The following DOCK4 variants were observed in gnomAD, a reference collection of about 807,000 sequenced individuals.
The protein encoded by DOCK4 is dedicator of cytokinesis 4.
A neutral mutation model predicts 268.1 loss-of-function variants in DOCK4; 97 were observed. That is an observed-to-expected ratio of 0.36 (90% CI 0.31 to 0.43). DOCK4 has a LOEUF of 0.43. Ranked by LOEUF, DOCK4 falls within the 20% of genes least tolerant of loss-of-function variation. DOCK4 has a pLI of 1.00. For missense variants in DOCK4, 2,145 were observed against 2,455.7 expected, an observed-to-expected ratio of 0.87 and a Z score of 2.67; for synonymous variants, 954 against 887.2, an observed-to-expected ratio of 1.08 and a Z score of -1.34.
chr7:112,129,497 TAC>T (rs142104029), intron 1 of DOCK4, among the ~76,000 whole-genome samples: 15 of 151,374 alleles, frequency 9.9e-5, no homozygotes, highest in Non-Finnish European at 1.6e-4. Context: ...TGCAATGAAC[TAC>T]ACACACACAC....
intron 1 of DOCK4, among the ~76,000 whole-genome samples, chr7:112,125,622 G>T (rs1813149076): frequency 6.6e-6 from 1 of 152,152 alleles, no homozygotes; most frequent in Non-Finnish European, 1.5e-5. Context: ...CACAAGATAT[G>T]TGACCTTCAT....
chr7:111,901,865 A>T lies in DOCK4; in HGVS notation c.1193-64T>A, dbSNP rs921597445. On this transcript the variant is annotated intron_variant, in intron 13 of 52. Coordinates refer to ENST00000428084, the MANE Select transcript of DOCK4 (RefSeq NM_001363540.2). ...ATGAGGAAATGTAATAAAGTGCTCT[A>T]TCAAGAAAAACTTTAGTTTATACAA... is the stretch of plus-strand genomic sequence containing the variant. The T allele has an allele frequency of 1.0e-5, 13 of 1,282,632 alleles. No homozygotes were observed. In the African/African-American group the frequency reaches 1.5e-4, roughly 15 times the overall value. The allele number at this position is 1,282,632 out of a possible 1,614,324, so 79.5% of individuals were successfully genotyped here.
At chr7:111,870,161 G>A (rs988287681) in intron 20 of DOCK4, among the ~76,000 whole-genome samples, 1 of 151,960 alleles carries the variant, frequency 6.6e-6, no homozygotes, top group Non-Finnish European at 1.5e-5. Context: ...GAAGAACCTG[G>A]CTTATGTCAA....
chr7:112,153,953 G>C (rs1014593529), intron 1 of DOCK4, among the ~76,000 whole-genome samples: 1 of 152,120 alleles, frequency 6.6e-6, no homozygotes, highest in Non-Finnish European at 1.5e-5. Flanking sequence ...CAAACTTCTT[G>C]TAGAAACAAT....
chr7:112,125,243 C>T (rs185598458), intron 1 of DOCK4, among the ~76,000 whole-genome samples: 125 of 152,344 alleles, frequency 8.2e-4, no homozygotes, highest in African/African-American at 2.8e-3. Context: ...TGCTCCCCCC[C>T]TGCCCCATCA....
At chr7:112,152,472 G>A (rs1816183896) in intron 1 of DOCK4, among the ~76,000 whole-genome samples, 1 of 152,122 alleles carries the variant, frequency 6.6e-6, no homozygotes, top group African/African-American at 2.4e-5. Flanking sequence ...CAACAGGCAG[G>A]CAATGTGCAC....
intron 17 of DOCK4, among the ~76,000 whole-genome samples, chr7:111,873,931 A>G (rs1806633776): frequency 6.6e-6 from 1 of 152,090 alleles, no homozygotes; most frequent in Admixed American, 6.5e-5. Flanking sequence ...ATAACCAAAA[A>G]CCCTGAAAAT....
chr7:111,941,403 A>C (rs1232335362), intron 10 of DOCK4, among the ~76,000 whole-genome samples: 1 of 152,194 alleles, frequency 6.6e-6, no homozygotes, highest in Non-Finnish European at 1.5e-5. Flanking sequence ...GATTTAAACA[A>C]ATTTAAAACT....
chr7:112,099,593 T>G (rs1422152141), intron 1 of DOCK4, among the ~76,000 whole-genome samples: 1 of 152,234 alleles, frequency 6.6e-6, no homozygotes, highest in Non-Finnish European at 1.5e-5. Flanking sequence ...ATGGTCAGTA[T>G]TCATTAAAAT....
chr7:112,057,557 T>TA lies in DOCK4; in HGVS notation c.38-53427dup, dbSNP rs59998263. ...CAAAACAAGACCCTGTCCCAAAAAA[T>TA]AAAAAAAAAAAAAATGAATAAGCCT... On this transcript the variant is annotated intron_variant, in intron 1 of 52. Transcript: ENST00000428084. Among the ~76,000 whole-genome samples, 527 of 122,546 alleles carry TA rather than the reference T, an allele frequency of 4.3e-3. 1 individual carries two copies. The highest frequency in any genetic ancestry group is 9.4e-3 in the African/African-American group (328 of 34,894). 80.4% of individuals were successfully genotyped at this position (122,546 alleles called of 152,430 possible).
At chr7:112,065,381 A>G (rs896404033) in intron 1 of DOCK4, among the ~76,000 whole-genome samples, 3 of 151,952 alleles carry the variant, frequency 2.0e-5, no homozygotes, top group African/African-American at 7.3e-5. Context: ...CTCCCTGACC[A>G]CCGTAGCGAA....
intron 1 of DOCK4, among the ~76,000 whole-genome samples, chr7:112,189,929 A>T (rs890267637): frequency 6.6e-6 from 1 of 152,002 alleles, no homozygotes; most frequent in Non-Finnish European, 1.5e-5. Flanking sequence ...GGACAAACAG[A>T]ACCACAATGT....
chr7:111,810,992 A>G (rs1351700295), intron 28 of DOCK4, among the ~76,000 whole-genome samples: 3 of 152,134 alleles, frequency 2.0e-5, no homozygotes, highest in Non-Finnish European at 4.4e-5. Context: ...ACAGAGCAGG[A>G]CTCTGTCTCA....
intron 1 of DOCK4, among the ~76,000 whole-genome samples, chr7:112,056,174 G>A (rs1246571230): frequency 3.3e-5 from 5 of 152,204 alleles, no homozygotes; most frequent in African/African-American, 1.2e-4. Flanking sequence ...CTTTCAAGAA[G>A]AGCAGCTCAG....
At chr7:111,846,895 T>A in intron 24 of DOCK4, 104 bp downstream of exon 24, 4 of 1,316,924 alleles carry the variant, frequency 3.0e-6, no homozygotes, top group Non-Finnish European at 4.0e-6. Flanking sequence ...TAAAAGTGGG[T>A]CTCAGAGGCT....
chr7:111,785,943 CTG>C (rs935746834), intron 32 of DOCK4, among the ~76,000 whole-genome samples: 1 of 152,120 alleles, frequency 6.6e-6, no homozygotes, highest in Non-Finnish European at 1.5e-5. Context: ...TGAAAGAAAT[CTG>C]TGTGTGTGTC....
Position 111,836,473 on chromosome 7 carries a change from C to G in DOCK4, c.2737-1787G>C, listed in dbSNP as rs56362356. Among the ~76,000 whole-genome samples the G allele has an allele frequency of 2.8e-3, 422 of 151,900 alleles. 4 individuals are homozygous for G. Among genetic ancestry groups the G allele is most frequent in the African/African-American group, 9.6e-3 (396 of 41,428 alleles). On this transcript the variant is annotated intron_variant, in intron 25 of 52. Transcript: ENST00000428084. ...ACAATGTAAAATTCACAATAACTGG[C>G]ATGCAATGAAAAATCACCAGGCAGG...
chr7:111,751,611 C>CTTTTTGTAT (rs1796658455), intron 42 of DOCK4, among the ~76,000 whole-genome samples: 1 of 152,046 alleles, frequency 6.6e-6, no homozygotes, highest in Non-Finnish European at 1.5e-5. Context: ...TGCCCAGCTA[C>CTTTTTGTAT]TTTTTGTATT....
intron 13 of DOCK4, among the ~76,000 whole-genome samples, chr7:111,908,001 T>A (rs1428541385): frequency 8.5e-5 from 13 of 152,166 alleles, no homozygotes; most frequent in Admixed American, 8.5e-4. Flanking sequence ...GTGCTGGGAT[T>A]ACAGGTGTGT....
Sources: gnomAD v4.1 joint callset for allele counts (sites outside exome capture counted in the v4.1 genomes callset) on GRCh38, gnomAD v4.1.1 for gene constraint, MANE v1.5 for transcripts, NCBI Gene and HGNC (gene_info 2026-07-23, HGNC 2026-07-21) for gene names.